RAD50: variants seen among roughly 807,000 people sequenced by gnomAD.
RAD50 encodes RAD50 double strand break repair protein, also known as DNA repair protein RAD50.
A neutral mutation model predicts 168.8 loss-of-function variants in RAD50; 132 were observed. The observed-to-expected ratio is 0.78, with a 90% confidence interval of 0.68 to 0.90. The LOEUF is 0.90. RAD50 is among the 40% of genes least tolerant of loss of function. The pLI is 0.00. For synonymous variants in RAD50, 525 were observed against 497.4 expected, an observed-to-expected ratio of 1.06 and a Z score of -0.74; for missense variants, 1,347 against 1,534.4, an observed-to-expected ratio of 0.88 and a Z score of 2.04.
At chr5:132,591,751 A>G in intron 10 of RAD50, 126 bp from the exon 11 acceptor site, 3 of 752,290 alleles carry the variant, frequency 4.0e-6, no homozygotes, top group Non-Finnish European at 6.1e-6. Context: ...AAGAAATTTT[A>G]TATTTTATTT....
At chr5:132,588,654 G>T in intron 7 of RAD50, 33 bp from the exon 8 acceptor site, 1 of 1,572,760 alleles carries the variant, frequency 6.4e-7, no homozygotes, top group Non-Finnish European at 8.7e-7. Flanking sequence ...AGCACCAGTT[G>T]AAAAAAAAAT....
intron 13 of RAD50, among the ~76,000 whole-genome samples, chr5:132,598,340 G>A (rs892566560): frequency 2.0e-5 from 3 of 152,144 alleles, no homozygotes; most frequent in Non-Finnish European, 4.4e-5. Context: ...GTGAGCCACC[G>A]TGCTGGGCCA....
rs1277820959 is a variant in RAD50, at chr5:132,618,297, A to G, written c.3389+3A>G. On this transcript the variant is annotated splice_donor_region_variant and intron_variant, in intron 21 of 24. Transcript: ENST00000378823. ...ATTTATTATAAGACTCTTGACCAGTAAGTATTAGACTGGGGATTTTCTTAT... is the reference window on the plus strand; with the variant it reads ...ATTTATTATAAGACTCTTGACCAGTGAGTATTAGACTGGGGATTTTCTTAT... 1.2e-6 allele frequency: 2 copies of G among 1,613,962 alleles called. No homozygotes were observed. The highest frequency in any genetic ancestry group is 1.7e-6 in the Non-Finnish European group (2 of 1,179,948).
chr5:132,589,743 A>G lies in RAD50; in HGVS notation c.1358A>G (p.Lys453Arg), dbSNP rs1750664308. 6.2e-7 allele frequency: 1 copy of G among 1,613,678 alleles called. No individual in the cohort carries two copies. Among genetic ancestry groups the G allele is most frequent in the African/African-American group, 1.3e-5 (1 of 75,038 alleles). Residue 453 changes from lysine (K) to arginine (R), a missense_variant, in exon 9 of 25, where the codon AAG becomes AGG. This residue lies in a region of RAD50 where 703 missense variants were observed against 767.7 expected (regional missense o/e 0.92). Transcript: ENST00000378823. ...IELKSEILSKKQNELKNVKYE... is the reference protein window; with the variant it reads ...IELKSEILSKRQNELKNVKYE... ...TTAAAATCAGAAATCCTAAGTAAGA[A>G]GCAGAATGAGCTGAAAAATGTGAAG...
At chr5:132,576,957 C>T (rs1344452692) in intron 3 of RAD50, among the ~76,000 whole-genome samples, 1 of 152,200 alleles carries the variant, frequency 6.6e-6, no homozygotes, top group Non-Finnish European at 1.5e-5. Flanking sequence ...AAATGCTTAA[C>T]ATGTAGTAAG....
At chr5:132,640,479 T>C (rs895730549) in intron 23 of RAD50, among the ~76,000 whole-genome samples, 193 bp from the exon 24 acceptor site, 16 of 152,232 alleles carry the variant, frequency 1.1e-4, no homozygotes, top group African/African-American at 3.9e-4. Context: ...GCTGAGATCA[T>C]GCAGGTTCTC....
At chr5:132,573,316 C>T (rs888723507) in intron 2 of RAD50, among the ~76,000 whole-genome samples, 1 of 152,144 alleles carries the variant, frequency 6.6e-6, no homozygotes, top group African/African-American at 2.4e-5. Flanking sequence ...GGAGGCCTCA[C>T]AATCATGGTG....
chr5:132,575,803 C>T lies in RAD50; in HGVS notation c.240C>T (p.Ala80=), dbSNP rs994584117. 2 of 1,599,854 alleles carry T rather than the reference C, an allele frequency of 1.3e-6. No individual in the cohort carries two copies. The highest frequency in any genetic ancestry group is 1.7e-6 in the Non-Finnish European group (2 of 1,167,090). The change falls in exon 3 of 25, where the codon GCC becomes GCT. Residue 80 remains alanine, a synonymous_variant. Coordinates refer to ENST00000378823, the MANE Select transcript of RAD50 (RefSeq NM_005732.4). ...TTGCTCAAGAAACAGATGTGAGAGC[C>T]CAGATTCGTCTGCAATTTCGTGATG... The part of the protein sequence containing the change: ...PKVAQETDVR[A]QIRLQFRDVN...
In RAD50 at chr5:132,644,187, C is replaced by T. The variant is rs544220627; in HGVS notation, c.*1823C>T. The T allele has an allele frequency of 7.8e-5, 14 of 179,122 alleles. No homozygotes were observed. In the South Asian group the frequency reaches 1.8e-3, roughly 23 times the overall value. The allele number at this position is 179,122 out of a possible 1,614,324, so 11.1% of individuals were successfully genotyped here. On this transcript the variant is annotated 3_prime_UTR_variant, in exon 25 of 25. Transcript: ENST00000378823. ...CATTTGCAAGTTAAAACAGACTTCC[C>T]AATTTTAAATCTGGTTTCCCCCTGA...
intron 21 of RAD50, among the ~76,000 whole-genome samples, chr5:132,629,649 T>G (rs1473196297): frequency 1.3e-5 from 2 of 152,154 alleles, no homozygotes; most frequent in African/African-American, 4.8e-5. Flanking sequence ...AGCCCTAAAT[T>G]TGCCTTCTCA....
chr5:132,590,015 G>A (rs535676458), intron 9 of RAD50, among the ~76,000 whole-genome samples, 178 bp downstream of exon 9: 14 of 152,158 alleles, frequency 9.2e-5, no homozygotes, highest in Admixed American at 4.6e-4. Flanking sequence ...TCTACAACCC[G>A]ATAGCCTGAA....
At chr5:132,569,311 G>A (rs1243725957) in intron 2 of RAD50, among the ~76,000 whole-genome samples, 3 of 152,064 alleles carry the variant, frequency 2.0e-5, no homozygotes, top group Non-Finnish European at 4.4e-5. Context: ...TAGGTTAAAA[G>A]CAAAAGGATT....
intron 19 of RAD50, among the ~76,000 whole-genome samples, chr5:132,613,347 G>A (rs1326729034): frequency 6.6e-6 from 1 of 152,152 alleles, no homozygotes; most frequent in Non-Finnish European, 1.5e-5. Context: ...ACAAAAAGTA[G>A]TAACAGGTAG....
intron 2 of RAD50, among the ~76,000 whole-genome samples, chr5:132,573,821 C>T (rs1016700078): frequency 6.6e-5 from 10 of 152,198 alleles, no homozygotes; most frequent in African/African-American, 2.2e-4. Context: ...CGTGCAAGTC[C>T]GAAATTCAGT....
chr5:132,603,892 A>G, intron 14 of RAD50, 28 bp from the exon 15 acceptor site: 1 of 1,550,294 alleles, frequency 6.5e-7, no homozygotes, highest in Non-Finnish European at 8.9e-7. Context: ...AAGTTTATTA[A>G]AGGAAATCAT....
chr5:132,579,016 A>T (rs189949582), intron 3 of RAD50, among the ~76,000 whole-genome samples: 1 of 152,306 alleles, frequency 6.6e-6, no homozygotes, highest in East Asian at 1.9e-4. Context: ...TTTTTAAGAC[A>T]GTTAATGCTC....
chr5:132,642,405 A>AGAAAGTGTATAATAAGAAACTTATTTCTC lies in RAD50; in HGVS notation c.*42_*70dup. ...AAATGCCATAGAAATGTAGGTCCTC[A>AGAAAGTGTATAATAAGAAACTTATTTCTC]GAAAGTGTATAATAAGAAACTTATT... On this transcript the variant is annotated 3_prime_UTR_variant, in exon 25 of 25. Transcript: ENST00000378823. 1.3e-6 allele frequency: 2 copies of AGAAAGTGTATAATAAGAAACTTATTTCTC among 1,538,976 alleles called. No individual in the cohort carries two copies. The highest frequency in any genetic ancestry group is 4.5e-5 in the East Asian group (2 of 44,400).
chr5:132,638,698 G>A (rs929677571), intron 23 of RAD50, among the ~76,000 whole-genome samples: 2 of 152,206 alleles, frequency 1.3e-5, no homozygotes, highest in African/African-American at 4.8e-5. Flanking sequence ...CATTAAGAAA[G>A]TAGCCCCTCA....
intron 13 of RAD50, among the ~76,000 whole-genome samples, chr5:132,597,167 A>G (rs1470200506): frequency 6.6e-6 from 1 of 152,180 alleles, no homozygotes; most frequent in East Asian, 1.9e-4. Flanking sequence ...GGAAGCAGAA[A>G]AACCAGGAGA....
Sources: gnomAD v4.1 joint callset for allele counts (sites outside exome capture counted in the v4.1 genomes callset) on GRCh38, gnomAD v4.1.1 for gene constraint, gnomAD v4.1.1 regional missense constraint, MANE v1.5 for transcripts, NCBI Gene and HGNC (gene_info 2026-07-23, HGNC 2026-07-21) for gene names.